The following DMD variants were observed in gnomAD, a reference collection of about 807,000 sequenced individuals.
DMD encodes the protein dystrophin.
DMD carries 63 observed loss-of-function variants against 330.1 expected under a neutral mutation model. The ratio of observed to expected loss-of-function variants is 0.19; its 90% CI spans 0.16 to 0.24. The LOEUF (loss-of-function observed/expected upper bound fraction) is 0.24. DMD is among the 10% of genes least tolerant of loss of function. The pLI is 1.00. For synonymous variants in DMD, 1,223 were observed against 959.8 expected, an observed-to-expected ratio of 1.27 and a Z score of -5.07; for missense variants, 3,344 against 2,684.1, an observed-to-expected ratio of 1.25 and a Z score of -5.43.
At chrX:31,571,245 A>T (rs1603387334) in intron 55 of DMD, among the ~76,000 whole-genome samples, 1 of 88,306 alleles carries the variant, frequency 1.1e-5, no homozygotes, top group East Asian at 3.6e-4. Flanking sequence ...ATGATAAAAG[A>T]TTTAAAGGGG....
Position 32,618,366 on chromosome X carries a change from G to A in DMD, c.1332-3913C>T, listed in dbSNP as rs527769722. Among the ~76,000 whole-genome samples, 10 of 111,623 alleles carry A rather than the reference G, an allele frequency of 9.0e-5. No individual in the cohort carries two copies. The South Asian group carries it at 2.6e-3, about 29-fold the overall frequency. On this transcript the variant is annotated intron_variant, in intron 11 of 78. Transcript: ENST00000357033. ...GTAAGATTATGTTCTTTGCAGAAAC[G>A]TAGATGAAGCTGGAGGCCATTATCC...
At chrX:32,584,786 G>C (rs1236217329) in intron 13 of DMD, among the ~76,000 whole-genome samples, 1 of 111,928 alleles carries the variant, frequency 8.9e-6, no homozygotes, top group African/African-American at 3.2e-5. Flanking sequence ...TGATACCATA[G>C]GGCTTGATGG....
intron 15 of DMD, among the ~76,000 whole-genome samples, chrX:32,570,187 A>C (rs2052243052): frequency 9.0e-6 from 1 of 111,574 alleles, no homozygotes; most frequent in Non-Finnish European, 1.9e-5. Context: ...AAGAGAGTTT[A>C]GCACAGTGTA....
At chrX:32,957,544 C>T (rs2091662913) in intron 2 of DMD, among the ~76,000 whole-genome samples, 1 of 111,533 alleles carries the variant, frequency 9.0e-6, no homozygotes, top group African/African-American at 3.3e-5. Context: ...CTTCTTGAGA[C>T]AAATCTAGAA....
chrX:32,612,858 T>G (rs1569307552), intron 12 of DMD, among the ~76,000 whole-genome samples: 1 of 110,467 alleles, frequency 9.1e-6, no homozygotes, highest in Non-Finnish European at 1.9e-5. Flanking sequence ...CTCCTGGGGG[T>G]CAATAATAGT....
At chrX:32,094,831 T>C (rs1005737166) in intron 44 of DMD, among the ~76,000 whole-genome samples, 2 of 112,005 alleles carry the variant, frequency 1.8e-5, no homozygotes, top group Non-Finnish European at 3.8e-5. Context: ...CGATGCTTAG[T>C]GGCTTGTGGC....
intron 44 of DMD, among the ~76,000 whole-genome samples, chrX:31,989,971 C>T (rs998433510): frequency 2.7e-5 from 3 of 110,954 alleles, no homozygotes; most frequent in African/African-American, 9.8e-5. Flanking sequence ...CTCCCCTCCT[C>T]CTTTCGGAGT....
At chrX:33,039,212 C>A (rs1403135271) in intron 1 of DMD, among the ~76,000 whole-genome samples, 1 of 111,176 alleles carries the variant, frequency 9.0e-6, no homozygotes, top group Non-Finnish European at 1.9e-5. Context: ...CAATGAGATA[C>A]AAAATTTTGG....
intron 51 of DMD, 21 bp from the exon 52 acceptor site, chrX:31,729,769 T>C (rs189491856): frequency 1.8e-6 from 2 of 1,134,512 alleles, no homozygotes; most frequent in Admixed American, 4.4e-5. Context: ...AAATATCCCT[T>C]AGTATCAGGG....
intron 62 of DMD, among the ~76,000 whole-genome samples, chrX:31,321,583 CAAAAAAAAAAAA>C (rs1190446358): frequency 0.036 from 381 of 10,462 alleles, 5 homozygotes; most frequent in East Asian, 0.073. Flanking sequence ...AACTCCATCT[CAAAAAAAAAAAA>C]AAAAAAAAAA....
intron 62 of DMD, among the ~76,000 whole-genome samples, chrX:31,302,593 A>G (rs1452542819): frequency 1.8e-5 from 2 of 111,087 alleles, no homozygotes; most frequent in Non-Finnish European, 3.8e-5. Flanking sequence ...AAAGACAAGG[A>G]AAGAACCAGT....
chrX:32,363,156 T>A lies in DMD; in HGVS notation c.5155-198A>T, dbSNP rs758599441. Among the ~76,000 whole-genome samples, 3 of 111,403 alleles carry A rather than the reference T, an allele frequency of 2.7e-5. No homozygotes were observed. In the East Asian group the frequency reaches 8.5e-4, roughly 32 times the overall value. ...AACCACAACTTCCATAAAACAGGAC[T>A]AAAATGAAAATGCGTGTGATTTCAG... is the stretch of plus-strand genomic sequence containing the variant. On this transcript the variant is annotated intron_variant, in intron 36 of 78. Transcript: ENST00000357033.
At chrX:32,648,813 A>G (rs2059942190) in intron 9 of DMD, among the ~76,000 whole-genome samples, 1 of 111,961 alleles carries the variant, frequency 8.9e-6, no homozygotes, top group Non-Finnish European at 1.9e-5. Context: ...ATATGTTTTT[A>G]TCATCACAGA....
At chrX:32,000,159 T>A (rs2095616105) in intron 44 of DMD, among the ~76,000 whole-genome samples, 1 of 112,355 alleles carries the variant, frequency 8.9e-6, no homozygotes. Flanking sequence ...GGACAATCCA[T>A]GCACAATTAG....
chrX:32,025,697 T>C (rs1390645188), intron 44 of DMD, among the ~76,000 whole-genome samples: 1 of 112,172 alleles, frequency 8.9e-6, no homozygotes, highest in East Asian at 2.8e-4. Flanking sequence ...TTTTCTTAAG[T>C]ACTTCTCTTA....
intron 44 of DMD, among the ~76,000 whole-genome samples, chrX:32,027,651 A>G (rs939361646): frequency 8.9e-6 from 1 of 112,048 alleles, no homozygotes; most frequent in African/African-American, 3.2e-5. Context: ...GAGATCCCTC[A>G]GATTACCGTG....
At chrX:33,086,211 T>G (rs538790799) in intron 1 of DMD, among the ~76,000 whole-genome samples, 3 of 111,727 alleles carry the variant, frequency 2.7e-5, no homozygotes, top group African/African-American at 9.7e-5. Flanking sequence ...TCTGATCATT[T>G]TCTTCACTGT....
chrX:31,127,819 T>C (rs2033920394), intron 77 of DMD, among the ~76,000 whole-genome samples: 1 of 111,943 alleles, frequency 8.9e-6, no homozygotes, highest in South Asian at 3.8e-4. Context: ...CATTTAAGGA[T>C]AGTTTCTAAG....
At chrX:32,240,752 T>A (rs1357440310) in intron 43 of DMD, among the ~76,000 whole-genome samples, 1 of 111,047 alleles carries the variant, frequency 9.0e-6, no homozygotes, top group Non-Finnish European at 1.9e-5. Flanking sequence ...CATCAACTAA[T>A]CCTGTTGTCC....
Sources: allele counts gnomAD v4.1 joint callset (sites outside exome capture counted in the v4.1 genomes callset), GRCh38; gene constraint gnomAD v4.1.1; transcripts MANE v1.5; gene names NCBI Gene and HGNC (gene_info 2026-07-23, HGNC 2026-07-21).